AVL9: variants seen among roughly 807,000 people sequenced by gnomAD.
The protein encoded by AVL9 is AVL9 cell migration associated.
In AVL9, 49 loss-of-function variants were observed where a neutral mutation model predicts 79.2. The ratio of observed to expected loss-of-function variants is 0.62; its 90% CI spans 0.49 to 0.79. The LOEUF is 0.79. Among genes scored for constraint, AVL9 ranks in the 30% least tolerant of loss-of-function variants. AVL9 has a pLI of 0.00. For synonymous variants in AVL9, 299 were observed against 280.6 expected (o/e 1.07, Z -0.65); for missense variants, 682 against 776.8 (o/e 0.88, Z 1.45).
At chr7:32,496,404 T>G (rs1786815029) in intron 1 of AVL9, among the ~76,000 whole-genome samples, 1 of 152,248 alleles carries the variant, frequency 6.6e-6, no homozygotes, top group African/African-American at 2.4e-5. Context: ...CTCCAGATTT[T>G]GCCTTTTGGT....
At chr7:32,550,559 G>A (rs1216008928) in intron 4 of AVL9, among the ~76,000 whole-genome samples, 1 of 152,102 alleles carries the variant, frequency 6.6e-6, no homozygotes, top group Non-Finnish European at 1.5e-5. Flanking sequence ...GACTCTTCCA[G>A]TATTACTTGT....
At chr7:32,560,967 T>G (rs1355023759) in intron 10 of AVL9, among the ~76,000 whole-genome samples, 1 of 152,210 alleles carries the variant, frequency 6.6e-6, no homozygotes, top group African/African-American at 2.4e-5. Flanking sequence ...CTTTTTTTAT[T>G]TTCTTCTGAG....
intron 1 of AVL9, among the ~76,000 whole-genome samples, chr7:32,541,805 C>G (rs565124837): frequency 6.6e-6 from 1 of 151,840 alleles, no homozygotes. Context: ...ACCTCCACCT[C>G]CTGGGTTCAA....
intron 13 of AVL9, among the ~76,000 whole-genome samples, chr7:32,578,188 T>G (rs1346953840): frequency 1.3e-5 from 2 of 152,140 alleles, no homozygotes; most frequent in Admixed American, 6.5e-5. Context: ...GCAGAGTTGG[T>G]CTTGTTATAG....
chr7:32,552,179 C>A, intron 5 of AVL9, 50 bp from the exon 6 acceptor site: 1 of 1,143,842 alleles, frequency 8.7e-7, no homozygotes, highest in South Asian at 1.3e-5. Flanking sequence ...ATTTCTAATT[C>A]AGATCTAAAA....
chr7:32,565,595 G>A (rs1380909286), intron 10 of AVL9, among the ~76,000 whole-genome samples: 1 of 151,272 alleles, frequency 6.6e-6, no homozygotes, highest in East Asian at 1.9e-4. Context: ...TTACCTCAAT[G>A]CAATTATTGT....
At position 32,575,831 on chromosome 7, in the gene AVL9, T is replaced by A; in HGVS notation, c.1571-124T>A. On this transcript the variant is annotated intron_variant, in intron 12 of 15. Transcript: ENST00000318709. Reference sequence around the variant, plus strand: ...CCAAGTTTCCTGACATCTGGTAGGCTATCTCCCCACAAATATGGGAGGGCA... The same window carrying A: ...CCAAGTTTCCTGACATCTGGTAGGCAATCTCCCCACAAATATGGGAGGGCA... 3.0e-6 allele frequency: 2 copies of A among 656,356 alleles called. 1 individual carries two copies. The highest frequency in any genetic ancestry group is 3.9e-5 in the South Asian group (2 of 50,824). The allele number at this position is 656,356 out of a possible 1,614,324, so 40.7% of individuals were successfully genotyped here. A position where few individuals can be genotyped will look rare whatever the true frequency, so the allele number is the denominator to read the frequency against.
chr7:32,568,509 T>C (rs925764759), intron 10 of AVL9, among the ~76,000 whole-genome samples: 4 of 152,164 alleles, frequency 2.6e-5, no homozygotes, highest in Non-Finnish European at 5.9e-5. Context: ...CCCATAATAT[T>C]CTTTGGAGAT....
intron 11 of AVL9, 41 bp from the exon 12 acceptor site, chr7:32,573,158 G>A (rs780055277): frequency 1.2e-5 from 19 of 1,544,824 alleles, no homozygotes; most frequent in Admixed American, 1.7e-5. Flanking sequence ...GGATGTCTGC[G>A]TGAATGCCCA....
intron 13 of AVL9, among the ~76,000 whole-genome samples, chr7:32,578,678 A>G (rs367946445): frequency 1.0e-3 from 155 of 152,116 alleles, no homozygotes; most frequent in African/African-American, 3.6e-3. Context: ...GTGTGGTGGT[A>G]CATGCCTGTA....
At chr7:32,538,391 A>G (rs1054267450) in intron 1 of AVL9, 6 of 152,240 alleles carry the variant, frequency 3.9e-5, no homozygotes, top group African/African-American at 1.4e-4. Context: ...TAGAGGTAGT[A>G]TGCTCCACTT....
At chr7:32,530,955 A>G (rs1788620419) in intron 1 of AVL9, among the ~76,000 whole-genome samples, 1 of 152,062 alleles carries the variant, frequency 6.6e-6, no homozygotes, top group Non-Finnish European at 1.5e-5. Context: ...GACTCCACCT[A>G]TTAAAAAAAA....
At chr7:32,509,633 T>C (rs1179046548) in intron 1 of AVL9, among the ~76,000 whole-genome samples, 1 of 152,048 alleles carries the variant, frequency 6.6e-6, no homozygotes, top group Admixed American at 6.6e-5. Flanking sequence ...GCGGATCACT[T>C]GAGGTCAGGA....
intron 1 of AVL9, chr7:32,537,543 A>G (rs925664870): frequency 7.0e-6 from 1 of 142,698 alleles, no homozygotes; most frequent in East Asian, 2.2e-4. Flanking sequence ...GCTCACTGCA[A>G]CCACCACCAC....
At chr7:32,543,913 CTTTT>C (rs761679080) in intron 2 of AVL9, among the ~76,000 whole-genome samples, 149 of 68,718 alleles carry the variant, frequency 2.2e-3, no homozygotes, top group Non-Finnish European at 2.9e-3. Context: ...TTCTTTCTTT[CTTTT>C]TTTTTTTTGG....
At chr7:32,565,683 G>C (rs964767075) in intron 10 of AVL9, among the ~76,000 whole-genome samples, 13 of 151,944 alleles carry the variant, frequency 8.6e-5, no homozygotes, top group Non-Finnish European at 1.6e-4. Context: ...GAGCAACATA[G>C]TGAGACCTCA....
intron 1 of AVL9, among the ~76,000 whole-genome samples, chr7:32,503,365 TATATATATACACACACACAC>T (rs1256440149): frequency 9.7e-6 from 1 of 103,104 alleles, no homozygotes; most frequent in Non-Finnish European, 1.9e-5. Context: ...TAGAGAGATA[TATATATATACACACACACAC>T]ACACACACAC....
At chr7:32,524,589 C>T (rs569571754) in intron 1 of AVL9, among the ~76,000 whole-genome samples, 1 of 92,110 alleles carries the variant, frequency 1.1e-5, no homozygotes, top group South Asian at 2.7e-4. Flanking sequence ...TTATATCTAA[C>T]TGAGGGATGT....
At chr7:32,568,960 C>T (rs1444748574) in intron 10 of AVL9, among the ~76,000 whole-genome samples, 1 of 152,146 alleles carries the variant, frequency 6.6e-6, no homozygotes. Context: ...ACCAAATTAC[C>T]AGACATATAT....
Sources: allele counts gnomAD v4.1 joint callset (sites outside exome capture counted in the v4.1 genomes callset), GRCh38; gene constraint gnomAD v4.1.1; transcripts MANE v1.5; gene names NCBI Gene and HGNC (gene_info 2026-07-23, HGNC 2026-07-21).